Variants in SGK1 observed in about 807,000 individuals in gnomAD.
The protein encoded by SGK1 is serine/threonine-protein kinase Sgk1.
SGK1 carries 26 observed loss-of-function variants against 64.2 expected under a neutral mutation model. The observed-to-expected ratio is 0.40, with a 90% confidence interval of 0.30 to 0.56. The LOEUF (loss-of-function observed/expected upper bound fraction) is 0.56, where lower values mean the gene tolerates loss of function less well. Among genes scored for constraint, SGK1 ranks in the 20% least tolerant of loss-of-function variants. The probability of loss-of-function intolerance (pLI) is 0.38; values close to 1 mark genes in which losing one functional copy is unlikely to be tolerated. For synonymous variants in SGK1, 265 were observed against 239.7 expected (o/e 1.11, Z -0.98); for missense variants, 519 against 645.6 (o/e 0.80, Z 2.12).
chr6:134,235,060 T>C (rs1776341834), intron 2 of SGK1, among the ~76,000 whole-genome samples: 1 of 152,208 alleles, frequency 6.6e-6, no homozygotes, highest in African/African-American at 2.4e-5. Flanking sequence ...TATGAATTTA[T>C]AGAGAGCTTT....
chr6:134,281,711 C>A (rs1777097192), intron 1 of SGK1, among the ~76,000 whole-genome samples: 2 of 151,872 alleles, frequency 1.3e-5, no homozygotes, highest in Admixed American at 1.3e-4. Context: ...AGATGGGGGT[C>A]TCACTATGTT....
intron 3 of SGK1, among the ~76,000 whole-genome samples, chr6:134,190,877 T>G (rs1488878562): frequency 6.6e-6 from 1 of 152,238 alleles, no homozygotes; most frequent in African/African-American, 2.4e-5. Flanking sequence ...CTAGGAATAA[T>G]AGTAAGTGTC....
chr6:134,177,394 C>G (rs907426499), intron 3 of SGK1, among the ~76,000 whole-genome samples: 1 of 152,216 alleles, frequency 6.6e-6, no homozygotes, highest in Non-Finnish European at 1.5e-5. Context: ...CAGTGCCACC[C>G]GTATGTCATG....
chr6:134,174,567 C>T lies in SGK1; in HGVS notation c.381G>A (p.Arg127=). The T allele has an allele frequency of 1.2e-6, 2 of 1,613,970 alleles. No homozygotes were observed. The highest frequency in any genetic ancestry group is 2.2e-5 in the South Asian group (2 of 91,086). Residue 127 remains arginine, a synonymous_variant, in exon 4 of 14, where the codon AGG becomes AGA. Coordinates refer to ENST00000367858, the MANE Select transcript of SGK1 (RefSeq NM_001143676.3). The stretch of plus-strand genomic sequence containing the variant: ...TCTGAATAAAGTCGTTCAGACCCAT[C>T]CTCCTCTGCTTCATGAAAGCTGTGG... ...NDDPAFMKQR[R]MGLNDFIQKI... is the part of the protein sequence containing the mutation.
At chr6:134,297,970 G>A (rs528868550) in intron 1 of SGK1, 163 of 813,782 alleles carry the variant, frequency 2.0e-4, no homozygotes, top group African/African-American at 1.6e-3. Flanking sequence ...TCCGGGGAGC[G>A]GCTGTTGTCC....
At chr6:134,266,027 A>G (rs1426589354) in intron 1 of SGK1, among the ~76,000 whole-genome samples, 1 of 151,944 alleles carries the variant, frequency 6.6e-6, no homozygotes, top group African/African-American at 2.4e-5. Context: ...ATTGTCACCC[A>G]GGCTGGAGTG....
chr6:134,192,967 CCTTA>C (rs1775538662), intron 3 of SGK1, among the ~76,000 whole-genome samples: 1 of 152,144 alleles, frequency 6.6e-6, no homozygotes, highest in Non-Finnish European at 1.5e-5. Flanking sequence ...GGCCTATTTT[CCTTA>C]CTATGTACAA....
At chr6:134,191,853 T>TTTTTTTTTTTTTG (rs1775517553) in intron 3 of SGK1, among the ~76,000 whole-genome samples, 2 of 140,600 alleles carry the variant, frequency 1.4e-5, no homozygotes, top group African/African-American at 2.7e-5. Flanking sequence ...TTTTTTTTTT[T>TTTTTTTTTTTTTG]GAGACAGAGT....
intron 1 of SGK1, among the ~76,000 whole-genome samples, chr6:134,293,450 T>C (rs1458953221): frequency 6.6e-6 from 1 of 152,166 alleles, no homozygotes; most frequent in East Asian, 1.9e-4. Context: ...ACAGCCTTGA[T>C]TAGATAGAAG....
At chr6:134,251,598 C>T (rs1776606535) in intron 2 of SGK1, among the ~76,000 whole-genome samples, 3 of 152,036 alleles carry the variant, frequency 2.0e-5, no homozygotes, top group South Asian at 2.1e-4. Context: ...CCCTTCCAGA[C>T]TCATCACTGG....
At position 134,317,682 on chromosome 6, in the gene SGK1, A is replaced by G. The variant is rs1416106841; in HGVS notation, c.-222T>C. 3.5e-6 allele frequency: 2 copies of G among 563,432 alleles called. No homozygotes were observed. Among genetic ancestry groups the G allele is most frequent in the East Asian group, 5.9e-5 (2 of 34,010 alleles). 34.9% of individuals were successfully genotyped at this position (563,432 alleles called of 1,614,324 possible). On this transcript the variant is annotated 5_prime_UTR_variant, in exon 1 of 14. The change abolishes an upstream ATG in the 5' untranslated region. Coordinates refer to ENST00000367858, the MANE Select transcript of SGK1 (RefSeq NM_001143676.3). ...CACCGACAGCGGCTTTTCTCCTTCC[A>G]TCATTGCTCCGAAACATATGCATCA...
At chr6:134,248,445 CTTTTTTT>C (rs34315643) in intron 2 of SGK1, among the ~76,000 whole-genome samples, 1 of 103,038 alleles carries the variant, frequency 9.7e-6, no homozygotes, top group South Asian at 3.6e-4. Flanking sequence ...TCTCCTCCGC[CTTTTTTT>C]TTTTTTTTTT....
chr6:134,282,328 T>C lies in SGK1; in HGVS notation c.70-20180A>G, dbSNP rs148909507. ...GTGAAGGAGATTGAAATGGTTAATT[T>C]GTGTGTCAGCTTTACAATCAGTTAA... is the stretch of plus-strand genomic sequence containing the variant. On this transcript the variant is annotated intron_variant, in intron 1 of 13. Transcript: ENST00000367858. Among the ~76,000 whole-genome samples, 253 of 152,190 alleles carry C rather than the reference T, an allele frequency of 1.7e-3. 2 individuals carry two copies. Among genetic ancestry groups the C allele is most frequent in the African/African-American group, 5.8e-3 (239 of 41,514 alleles).
Position 134,219,210 on chromosome 6 carries a change from T to A in SGK1, c.286-11779A>T, listed in dbSNP as rs561277462. The stretch of plus-strand genomic sequence containing the variant: ...CATTTTTAGTAGAGATGGGGTTTCA[T>A]CATGTTGGCCAGGCTGGTCTTGAAC... On this transcript the variant is annotated intron_variant, in intron 2 of 13. Transcript: ENST00000367858. 7.3e-5 allele frequency among the ~76,000 whole-genome samples: 11 copies of A among 151,652 alleles called. No homozygotes were observed. The South Asian group carries it at 2.3e-3, about 32-fold the overall frequency.
intron 2 of SGK1, among the ~76,000 whole-genome samples, chr6:134,209,669 T>C (rs374785112): frequency 2.2e-4 from 33 of 152,282 alleles, no homozygotes; most frequent in African/African-American, 7.7e-4. Context: ...TTTCTCTTTA[T>C]AACAAGGCTT....
At chr6:134,181,759 A>T (rs1271054711) in intron 3 of SGK1, among the ~76,000 whole-genome samples, 1 of 152,244 alleles carries the variant, frequency 6.6e-6, no homozygotes, top group African/African-American at 2.4e-5. Flanking sequence ...CAGTTGTAAC[A>T]ACAAAAGATA....
intron 3 of SGK1, among the ~76,000 whole-genome samples, chr6:134,182,321 G>T (rs940547289): frequency 6.6e-6 from 1 of 151,994 alleles, no homozygotes; most frequent in Non-Finnish European, 1.5e-5. Flanking sequence ...GCCAAGGTGG[G>T]TGGGTCACTT....
chr6:134,175,968 A>C, intron 3 of SGK1: 1 of 1,141,000 alleles, frequency 8.8e-7, no homozygotes, highest in East Asian at 4.4e-5. Context: ...TCGTCTCTGC[A>C]CTAAAGGAAG....
chr6:134,284,263 T>TTTTCAATTTTTTTCTA (rs1777144652), intron 1 of SGK1, among the ~76,000 whole-genome samples: 1 of 151,638 alleles, frequency 6.6e-6, no homozygotes, highest in Non-Finnish European at 1.5e-5. Flanking sequence ...TGGCAATTTT[T>TTTTCAATTTTTTTCTA]GTATTTTTAG....
Sources: gnomAD v4.1 joint callset for allele counts (sites outside exome capture counted in the v4.1 genomes callset) on GRCh38, gnomAD v4.1.1 for gene constraint, MANE v1.5 for transcripts, NCBI Gene and HGNC (gene_info 2026-07-23, HGNC 2026-07-21) for gene names.